Variants in TTC28 observed in about 807,000 individuals in gnomAD.
The protein encoded by TTC28 is tetratricopeptide repeat domain 28, also known as tetratricopeptide repeat protein 28.
In TTC28, 61 loss-of-function variants were observed where a neutral mutation model predicts 198.0. The observed-to-expected ratio is 0.31, with a 90% CI of 0.25 to 0.38. The LOEUF is 0.38. Among genes scored for constraint, TTC28 ranks in the 10% least tolerant of loss-of-function variants. TTC28 has a pLI of 1.00. For synonymous variants in TTC28, 1,171 were observed against 1,297.8 expected, an observed-to-expected ratio of 0.90 and a Z score of 2.10; for missense variants, 2,678 against 3,164.0, an observed-to-expected ratio of 0.85 and a Z score of 3.69.
chr22:27,984,987 C>T (rs548314260), intron 22 of TTC28, among the ~76,000 whole-genome samples: 3 of 152,284 alleles, frequency 2.0e-5, no homozygotes, highest in Admixed American at 1.3e-4. Context: ...GCCGCGTTCC[C>T]GTCTGCTCTG....
intron 6 of TTC28, among the ~76,000 whole-genome samples, chr22:28,120,542 G>C (rs1052166152): frequency 6.6e-6 from 1 of 152,112 alleles, no homozygotes; most frequent in Non-Finnish European, 1.5e-5. Context: ...CTGAGAGTCT[G>C]AGACAGTAAC....
At chr22:28,150,900 AG>A (rs2147015899) in intron 6 of TTC28, among the ~76,000 whole-genome samples, 1 of 152,364 alleles carries the variant, frequency 6.6e-6, no homozygotes, top group African/African-American at 2.4e-5. Context: ...CCCAGGAAGT[AG>A]TGCCCACCTA....
At position 28,134,216 on chromosome 22, in the gene TTC28, C is replaced by T. The variant is rs183104457; in HGVS notation, c.1442-25813G>A. Among the ~76,000 whole-genome samples, 6 of 152,258 alleles carry T rather than the reference C, an allele frequency of 3.9e-5. No individual in the cohort carries two copies. In the East Asian group the frequency reaches 5.8e-4, roughly 15 times the overall value. On this transcript the variant is annotated intron_variant, in intron 6 of 22. Transcript: ENST00000397906. ...CACCAAAATCCCATCTGTACGTCAC[C>T]ATCATCAAAGAGCAAAGGTAGATAA...
chr22:28,452,158 G>A (rs934700732), intron 2 of TTC28, among the ~76,000 whole-genome samples: 3 of 152,080 alleles, frequency 2.0e-5, no homozygotes, highest in Admixed American at 2.0e-4. Flanking sequence ...GGGAGGCCAA[G>A]GTGGGCGGAT....
intron 14 of TTC28, 68 bp downstream of exon 14, chr22:28,014,180 T>C (rs754372676): frequency 5.0e-5 from 75 of 1,490,992 alleles, no homozygotes; most frequent in African/African-American, 2.8e-4. Flanking sequence ...GAGGGATACA[T>C]GTGGGCGCTG....
intron 2 of TTC28, among the ~76,000 whole-genome samples, chr22:28,496,754 A>AAAGTCACTCCTCCGCTTAGAAG (rs1317349185): frequency 1.3e-5 from 2 of 152,116 alleles, no homozygotes; most frequent in East Asian, 3.9e-4. Flanking sequence ...TAAGTCAGAT[A>AAAGTCACTCCTCCGCTTAGAAG]AAGTCACTCC....
chr22:28,163,015 T>C (rs1921408207), intron 6 of TTC28, 77 bp downstream of exon 6: 2 of 1,429,588 alleles, frequency 1.4e-6, no homozygotes, highest in Non-Finnish European at 1.8e-6. Context: ...CAGATTCCTA[T>C]AAAAGATAGT....
At chr22:28,140,460 C>T (rs1024085542) in intron 6 of TTC28, among the ~76,000 whole-genome samples, 6 of 152,252 alleles carry the variant, frequency 3.9e-5, no homozygotes, top group Non-Finnish European at 8.8e-5. Context: ...AGACCCCAGC[C>T]TCTGGAAGAC....
At chr22:28,504,428 A>T (rs2048576048) in intron 2 of TTC28, among the ~76,000 whole-genome samples, 1 of 152,170 alleles carries the variant, frequency 6.6e-6, no homozygotes, top group South Asian at 2.1e-4. Flanking sequence ...ATATACATAC[A>T]TACACATACA....
chr22:27,983,145 G>A lies in TTC28; in HGVS notation c.6522C>T (p.Leu2174=). 5 of 1,551,840 alleles carry A rather than the reference G, an allele frequency of 3.2e-6. No individual in the cohort carries two copies. Among genetic ancestry groups the A allele is most frequent in the Non-Finnish European group, 4.4e-6 (5 of 1,147,036 alleles). ...QKILEETQSH[L]IAVERLQRSG... is the part of the protein sequence containing the mutation. ...TCCTCTGAAGACGCTCCACCGCAATGAGATGACTCTGTGTCTCCTCCAGAA... is the reference window on the plus strand; with the variant it reads ...TCCTCTGAAGACGCTCCACCGCAATAAGATGACTCTGTGTCTCCTCCAGAA... Residue 2174 remains leucine (L), a synonymous_variant, in exon 23 of 23, where the codon CTC becomes CTT. Coordinates refer to ENST00000397906, the MANE Select transcript of TTC28 (RefSeq NM_001145418.2).
intron 2 of TTC28, among the ~76,000 whole-genome samples, chr22:28,337,960 T>C (rs557285801): frequency 6.6e-6 from 1 of 152,326 alleles, no homozygotes; most frequent in South Asian, 2.1e-4. Flanking sequence ...ATTTGGCATG[T>C]TTTTGCAGTG....
At chr22:28,228,108 C>T (rs1038937504) in intron 5 of TTC28, among the ~76,000 whole-genome samples, 3 of 151,820 alleles carry the variant, frequency 2.0e-5, no homozygotes, top group African/African-American at 7.3e-5. Context: ...ATAAGGCAGA[C>T]ACAAAAGGAT....
At chr22:28,481,053 A>AC (rs2048240742) in intron 2 of TTC28, among the ~76,000 whole-genome samples, 1 of 152,058 alleles carries the variant, frequency 6.6e-6, no homozygotes, top group Non-Finnish European at 1.5e-5. Flanking sequence ...TAATTCCATA[A>AC]CCCCATGCCT....
At chr22:28,006,339 C>A (rs754841533) in intron 14 of TTC28, among the ~76,000 whole-genome samples, 2 of 152,210 alleles carry the variant, frequency 1.3e-5, no homozygotes, top group Non-Finnish European at 2.9e-5. Flanking sequence ...CATCTAGCCC[C>A]ATGCCTGGCA....
intron 2 of TTC28, among the ~76,000 whole-genome samples, chr22:28,559,893 C>T (rs1273779840): frequency 6.6e-6 from 1 of 152,154 alleles, no homozygotes; most frequent in African/African-American, 2.4e-5. Flanking sequence ...TTAACTACCA[C>T]CTATGTGCTG....
chr22:28,379,200 G>C (rs2046459058), intron 2 of TTC28, among the ~76,000 whole-genome samples: 1 of 152,076 alleles, frequency 6.6e-6, no homozygotes, highest in African/African-American at 2.4e-5. Flanking sequence ...TATAAAAGCT[G>C]ATTTGGAAAC....
chr22:28,010,007 T>C (rs1293299599), intron 14 of TTC28, among the ~76,000 whole-genome samples: 1 of 152,230 alleles, frequency 6.6e-6, no homozygotes, highest in East Asian at 1.9e-4. Flanking sequence ...TCCCCTGTGT[T>C]CAAATACCTG....
At chr22:28,386,013 A>T (rs370074362) in intron 2 of TTC28, among the ~76,000 whole-genome samples, 1 of 151,822 alleles carries the variant, frequency 6.6e-6, no homozygotes, top group Non-Finnish European at 1.5e-5. Flanking sequence ...GCGGTGGCTC[A>T]CGCCTGTAAT....
chr22:28,182,048 T>C (rs937803934), intron 5 of TTC28, among the ~76,000 whole-genome samples: 2 of 151,986 alleles, frequency 1.3e-5, no homozygotes, highest in African/African-American at 4.8e-5. Flanking sequence ...AGAGTCGAGT[T>C]TGTTTGGGGT....
Sources: allele counts gnomAD v4.1 joint callset (sites outside exome capture counted in the v4.1 genomes callset), GRCh38; gene constraint gnomAD v4.1.1; transcripts MANE v1.5; gene names NCBI Gene and HGNC (gene_info 2026-07-23, HGNC 2026-07-21).